The following FHIT variants were observed in gnomAD, a reference collection of about 807,000 sequenced individuals.
FHIT encodes the protein fragile histidine triad diadenosine triphosphatase.
In FHIT, 19 loss-of-function variants were observed where a neutral mutation model predicts 17.9. The ratio of observed to expected loss-of-function variants is 1.06; its 90% CI spans 0.74 to 1.56. The LOEUF is 1.56. FHIT is among the 40% of genes most tolerant of loss of function. The probability of loss-of-function intolerance (pLI) is 0.00; values close to 1 mark genes in which losing one functional copy is unlikely to be tolerated. For synonymous variants in FHIT, 81 were observed against 69.7 expected (o/e 1.16, Z -0.81); for missense variants, 248 against 189.2 (o/e 1.31, Z -1.82).
At chr3:60,183,037 T>C (rs570538314) in intron 5 of FHIT, among the ~76,000 whole-genome samples, 4 of 152,254 alleles carry the variant, frequency 2.6e-5, no homozygotes, top group Non-Finnish European at 4.4e-5. Context: ...TGTAGTTCTT[T>C]CTCTCTGACA....
chr3:60,271,755 ATAGT>A (rs1293718330), intron 5 of FHIT, among the ~76,000 whole-genome samples: 4 of 152,198 alleles, frequency 2.6e-5, no homozygotes, highest in African/African-American at 7.2e-5. Flanking sequence ...TGTTATGAAG[ATAGT>A]TATTCATTTT....
At chr3:60,508,282 T>C (rs2034814262) in intron 5 of FHIT, among the ~76,000 whole-genome samples, 1 of 152,204 alleles carries the variant, frequency 6.6e-6, no homozygotes, top group South Asian at 2.1e-4. Context: ...GGATGTTCTA[T>C]AGTACTACTA....
At chr3:59,952,900 T>G (rs1242245936) in intron 7 of FHIT, among the ~76,000 whole-genome samples, 1 of 152,058 alleles carries the variant, frequency 6.6e-6, no homozygotes, top group Non-Finnish European at 1.5e-5. Flanking sequence ...AAGAGGAGAC[T>G]AGCCACTCTG....
In FHIT at chr3:60,104,880, G is replaced by A. The variant is rs148434665; in HGVS notation, c.104-90728C>T. 5.9e-5 allele frequency among the ~76,000 whole-genome samples: 9 copies of A among 152,266 alleles called. No homozygotes were observed. The East Asian group carries it at 1.7e-3, about 29-fold the overall frequency. ...GTCCTCCTCTTCAGAAAGGAGGGCA[G>A]TGTTTCTTTCAAATTCCACCAGCTA... On this transcript the variant is annotated intron_variant, in intron 5 of 9. Transcript: ENST00000492590.
chr3:61,143,811 T>A (rs1024514184), intron 2 of FHIT, among the ~76,000 whole-genome samples: 4 of 152,084 alleles, frequency 2.6e-5, no homozygotes, highest in African/African-American at 9.7e-5. Context: ...GGTTGCAGTG[T>A]GCTGAGATTG....
chr3:60,558,235 A>T (rs1286173441), intron 4 of FHIT, among the ~76,000 whole-genome samples: 4 of 151,966 alleles, frequency 2.6e-5, no homozygotes. Context: ...GGGAAGCATA[A>T]TGTCAACCAA....
At chr3:59,783,900 T>C (rs1205715007) in intron 8 of FHIT, among the ~76,000 whole-genome samples, 5 of 152,154 alleles carry the variant, frequency 3.3e-5, no homozygotes, top group African/African-American at 1.2e-4. Context: ...ACTACATCAT[T>C]GTCACCTCTC....
chr3:60,594,370 A>G (rs2038191015), intron 4 of FHIT, among the ~76,000 whole-genome samples: 1 of 152,136 alleles, frequency 6.6e-6, no homozygotes. Context: ...AAAATAGAAC[A>G]CTGACCCACC....
At chr3:60,917,490 C>A (rs781949856) in intron 3 of FHIT, among the ~76,000 whole-genome samples, 3 of 152,222 alleles carry the variant, frequency 2.0e-5, no homozygotes, top group Non-Finnish European at 4.4e-5. Flanking sequence ...TAATTAAAAT[C>A]TAAAATCTTT....
intron 8 of FHIT, among the ~76,000 whole-genome samples, chr3:59,901,574 A>AT (rs1704331402): frequency 6.6e-6 from 1 of 152,192 alleles, no homozygotes; most frequent in Admixed American, 6.5e-5. Flanking sequence ...GGACAATGAG[A>AT]TACCACTTCA....
chr3:60,593,544 T>C (rs2038161534), intron 4 of FHIT, among the ~76,000 whole-genome samples: 1 of 152,146 alleles, frequency 6.6e-6, no homozygotes, highest in Admixed American at 6.5e-5. Flanking sequence ...CTTTCAACTT[T>C]TGCTGCTCAA....
intron 5 of FHIT, among the ~76,000 whole-genome samples, chr3:60,427,113 T>A (rs1270606031): frequency 6.6e-6 from 1 of 152,124 alleles, no homozygotes; most frequent in Non-Finnish European, 1.5e-5. Context: ...GGCTTTTTTT[T>A]CTTCCTAAAG....
chr3:59,837,048 G>GA (rs559593738), intron 8 of FHIT, among the ~76,000 whole-genome samples: 4 of 151,804 alleles, frequency 2.6e-5, no homozygotes, highest in South Asian at 2.1e-4. Context: ...TTTTCTGTGA[G>GA]AAAAAAAAGA....
intron 8 of FHIT, among the ~76,000 whole-genome samples, chr3:59,836,329 C>T (rs1262153057): frequency 1.3e-5 from 2 of 152,196 alleles, no homozygotes. Flanking sequence ...AAATGAGCCA[C>T]ACTATCCCTT....
intron 2 of FHIT, among the ~76,000 whole-genome samples, chr3:61,069,000 T>A (rs1211738663): frequency 6.6e-6 from 1 of 152,188 alleles, no homozygotes; most frequent in Non-Finnish European, 1.5e-5. Context: ...TTCAGTGAAA[T>A]TCTTGGTTGA....
chr3:60,423,739 T>C (rs754794107), intron 5 of FHIT, among the ~76,000 whole-genome samples: 1 of 152,164 alleles, frequency 6.6e-6, no homozygotes, highest in Non-Finnish European at 1.5e-5. Flanking sequence ...AGCTAAGTAA[T>C]GCAGCTGACC....
At chr3:60,935,754 A>G (rs1384257894) in intron 3 of FHIT, among the ~76,000 whole-genome samples, 1 of 152,216 alleles carries the variant, frequency 6.6e-6, no homozygotes, top group Non-Finnish European at 1.5e-5. Flanking sequence ...CAGGAGACTT[A>G]GGAAATATGT....
intron 5 of FHIT, among the ~76,000 whole-genome samples, chr3:60,350,548 A>G (rs1359086767): frequency 6.6e-6 from 1 of 152,202 alleles, no homozygotes; most frequent in South Asian, 2.1e-4. Flanking sequence ...GCTTTCCCAA[A>G]GATGATGTCA....
intron 8 of FHIT, among the ~76,000 whole-genome samples, chr3:59,869,512 C>T (rs367757903): frequency 1.4e-4 from 6 of 42,722 alleles, no homozygotes; most frequent in African/African-American, 8.8e-4. Context: ...GACAGAGTCT[C>T]GCTCTGTCGC....
Sources: allele counts gnomAD v4.1 joint callset (sites outside exome capture counted in the v4.1 genomes callset), GRCh38; gene constraint gnomAD v4.1.1; transcripts MANE v1.5; gene names NCBI Gene and HGNC (gene_info 2026-07-23, HGNC 2026-07-21).